RSBN1L: variants seen among roughly 807,000 people sequenced by gnomAD.
The protein encoded by RSBN1L is lysine-specific demethylase RSBN1L.
Under a neutral mutation model 67.7 loss-of-function variants are expected in RSBN1L, and 30 were observed. The observed-to-expected ratio is 0.44, with a 90% CI of 0.33 to 0.60. The LOEUF is 0.60. Among genes scored for constraint, RSBN1L ranks in the 20% least tolerant of loss-of-function variants. RSBN1L has a pLI of 0.02. For synonymous variants in RSBN1L, 433 were observed against 387.0 expected (o/e 1.12, Z -1.39); for missense variants, 992 against 1,031.7 (o/e 0.96, Z 0.53).
At chr7:77,745,033 G>A (rs1358387655) in intron 2 of RSBN1L, among the ~76,000 whole-genome samples, 10 of 152,042 alleles carry the variant, frequency 6.6e-5, no homozygotes, top group Non-Finnish European at 1.5e-4. Flanking sequence ...AGGCTGAGGC[G>A]GGTGGATCAC....
intron 3 of RSBN1L, chr7:77,759,629 C>G (rs541162466): frequency 6.6e-6 from 1 of 152,302 alleles, no homozygotes; most frequent in East Asian, 1.9e-4. Flanking sequence ...TCCCACCCCC[C>G]TCAATTCTTT....
chr7:77,713,094 A>G (rs1351679825), intron 1 of RSBN1L, among the ~76,000 whole-genome samples: 1 of 152,084 alleles, frequency 6.6e-6, no homozygotes, highest in African/African-American at 2.4e-5. Flanking sequence ...AAGATTAAAC[A>G]TTTTTTCACA....
intron 1 of RSBN1L, among the ~76,000 whole-genome samples, chr7:77,705,429 A>G (rs560977585): frequency 2.6e-5 from 4 of 151,552 alleles, no homozygotes; most frequent in South Asian, 4.2e-4. Context: ...GGAGGCATAC[A>G]GTCTTTAGAT....
intron 1 of RSBN1L, among the ~76,000 whole-genome samples, chr7:77,730,092 C>G (rs937433471): frequency 1.1e-4 from 16 of 151,932 alleles, no homozygotes; most frequent in Admixed American, 6.6e-4. Flanking sequence ...CTTTTTTGTT[C>G]TGGGTTGATA....
chr7:77,724,411 A>G (rs982472741), intron 1 of RSBN1L, among the ~76,000 whole-genome samples: 1 of 151,328 alleles, frequency 6.6e-6, no homozygotes, highest in Non-Finnish European at 1.5e-5. Context: ...TAATATATGA[A>G]TCCCTTTCTT....
chr7:77,772,016 T>C (rs1040567350), intron 5 of RSBN1L, among the ~76,000 whole-genome samples: 1 of 152,060 alleles, frequency 6.6e-6, no homozygotes, highest in Admixed American at 6.6e-5. Context: ...ACAAAAACAG[T>C]GTCAGGCATT....
At chr7:77,748,647 G>C (rs1235021078) in intron 2 of RSBN1L, among the ~76,000 whole-genome samples, 1 of 151,972 alleles carries the variant, frequency 6.6e-6, no homozygotes, top group Non-Finnish European at 1.5e-5. Flanking sequence ...ACCATGCCCA[G>C]CTAATTTTTG....
chr7:77,734,592 G>A (rs1791309095), intron 1 of RSBN1L, among the ~76,000 whole-genome samples: 1 of 151,734 alleles, frequency 6.6e-6, no homozygotes, highest in African/African-American at 2.4e-5. Context: ...GGGTTCAAGC[G>A]ATTCTTCTAC....
intron 1 of RSBN1L, among the ~76,000 whole-genome samples, chr7:77,708,110 C>T (rs779976876): frequency 4.6e-5 from 7 of 152,096 alleles, no homozygotes; most frequent in Non-Finnish European, 8.8e-5. Flanking sequence ...CATCCAGAAT[C>T]GTACTTTGCG....
At chr7:77,732,115 T>C (rs1345560643) in intron 1 of RSBN1L, among the ~76,000 whole-genome samples, 3 of 152,178 alleles carry the variant, frequency 2.0e-5, no homozygotes, top group Admixed American at 2.0e-4. Flanking sequence ...TTACTTTTAT[T>C]CTGAGAATTA....
intron 2 of RSBN1L, among the ~76,000 whole-genome samples, chr7:77,747,344 G>A (rs753135963): frequency 5.9e-5 from 9 of 152,192 alleles, no homozygotes; most frequent in Non-Finnish European, 8.8e-5. Flanking sequence ...GTCCTAGAAG[G>A]CATTTCAGAG....
In RSBN1L at chr7:77,712,058, G is replaced by GT. The variant is rs5885030; in HGVS notation, c.586+15011dup. On this transcript the variant is annotated intron_variant, in intron 1 of 7. Transcript: ENST00000334955. ...CTCGTTTGACATTTTATAATTGTAT[G>GT]TTTTTTTTGTAATCATAATAAAAAT... is the stretch of plus-strand genomic sequence containing the variant. Among the ~76,000 whole-genome samples the GT allele has an allele frequency of 5.3e-5, 8 of 151,626 alleles. No homozygotes were observed. The South Asian group carries it at 1.7e-3, about 32-fold the overall frequency.
chr7:77,754,321 C>G (rs1334011087), intron 3 of RSBN1L, among the ~76,000 whole-genome samples: 2 of 152,170 alleles, frequency 1.3e-5, no homozygotes, highest in South Asian at 4.1e-4. Flanking sequence ...AAAGAGTTAT[C>G]TGCTAGAATA....
At chr7:77,738,459 T>C (rs1486017046) in intron 2 of RSBN1L, among the ~76,000 whole-genome samples, 2 of 152,170 alleles carry the variant, frequency 1.3e-5, no homozygotes, top group African/African-American at 4.8e-5. Context: ...TGGAAAAATT[T>C]AGGGAAAATG....
chr7:77,744,480 A>G (rs1244327328), intron 2 of RSBN1L, among the ~76,000 whole-genome samples: 3 of 151,834 alleles, frequency 2.0e-5, no homozygotes, highest in Non-Finnish European at 4.4e-5. Flanking sequence ...TTAGAGATAG[A>G]CTTTTTTTTT....
At chr7:77,750,750 TGCTGTA>T in intron 3 of RSBN1L, among the ~76,000 whole-genome samples, 1 of 152,174 alleles carries the variant, frequency 6.6e-6, no homozygotes, top group South Asian at 2.1e-4. Flanking sequence ...CATTTATTGA[TGCTGTA>T]GTTTTTGGTT....
rs752692262 is a variant in RSBN1L at position 77,778,750 on chromosome 7, C to T, written c.2123C>T (p.Thr708Ile). 1 of 1,614,100 alleles carries T rather than the reference C, an allele frequency of 6.2e-7. No homozygotes were observed. Among genetic ancestry groups the T allele is most frequent in the Admixed American group, 1.7e-5 (1 of 60,010 alleles). Residue 708 changes from threonine to isoleucine, a missense_variant, in exon 8 of 8, where the codon ACA (threonine) becomes ATA (isoleucine). Transcript: ENST00000334955. ...DTSQNTATHE[T>I]GTSSDSTSSV... ...TCTCAGAATACAGCTACTCATGAAA[C>T]AGGCACATCATCAGATTCCACATCA...
At chr7:77,725,791 T>C (rs1009182111) in intron 1 of RSBN1L, among the ~76,000 whole-genome samples, 7 of 151,816 alleles carry the variant, frequency 4.6e-5, no homozygotes, top group African/African-American at 1.5e-4. Flanking sequence ...GGTTTCTCCA[T>C]GTTGGTCAGG....
At chr7:77,735,224 AG>A (rs1389292617) in intron 1 of RSBN1L, among the ~76,000 whole-genome samples, 1 of 152,182 alleles carries the variant, frequency 6.6e-6, no homozygotes, top group East Asian at 1.9e-4. Context: ...GGTAGACACT[AG>A]TTTTATGTGA....
Sources: gnomAD v4.1 joint callset for allele counts (sites outside exome capture counted in the v4.1 genomes callset) on GRCh38, gnomAD v4.1.1 for gene constraint, MANE v1.5 for transcripts, NCBI Gene and HGNC (gene_info 2026-07-23, HGNC 2026-07-21) for gene names.